Variants in RBFOX3 observed in about 807,000 individuals in gnomAD.
RBFOX3 encodes RNA binding protein fox-1 homolog 3.
RBFOX3 carries 17 observed loss-of-function variants against 48.7 expected under a neutral mutation model. The observed-to-expected ratio is 0.35, with a 90% CI of 0.24 to 0.52. The LOEUF (loss-of-function observed/expected upper bound fraction) is 0.52. RBFOX3 is among the 20% of genes least tolerant of loss of function. The pLI is 0.94. For missense variants in RBFOX3, 382 were observed against 497.5 expected (o/e 0.77, Z 2.21); for synonymous variants, 212 against 209.5 (o/e 1.01, Z -0.10).
intron 2 of RBFOX3, among the ~76,000 whole-genome samples, chr17:79,470,670 A>G (rs2076954347): frequency 6.8e-6 from 1 of 147,256 alleles, no homozygotes; most frequent in Non-Finnish European, 1.5e-5. Flanking sequence ...GCCTCCTCTC[A>G]AAGTATCCGT....
intron 2 of RBFOX3, among the ~76,000 whole-genome samples, chr17:79,422,928 T>C (rs1208337728): frequency 6.6e-6 from 1 of 152,132 alleles, no homozygotes; most frequent in Non-Finnish European, 1.5e-5. Flanking sequence ...CCTCTCTGTG[T>C]TTCTGTCTGT....
chr17:79,252,751 C>G lies in RBFOX3; in HGVS notation c.-73-16946G>C, dbSNP rs78838336. On this transcript the variant is annotated intron_variant, in intron 3 of 14. Coordinates refer to ENST00000693108, the MANE Select transcript of RBFOX3 (RefSeq NM_001350451.2). This position sits in a 1 kb window ranked among gnomAD's most constrained non-coding sequence, Gnocchi z 4.0. ...GGCTGTGTTGACCACTCCCAGCCAA[C>G]TGCCCCTCTCAATGCCCCTCTCCTT... 7.8e-3 allele frequency among the ~76,000 whole-genome samples: 1,183 copies of G among 152,330 alleles called. 14 individuals are homozygous for G. Among genetic ancestry groups the G allele is most frequent in the African/African-American group, 0.027 (1,135 of 41,580 alleles).
chr17:79,436,074 G>A lies in RBFOX3; in HGVS notation c.-175+46380C>T, dbSNP rs144124399. Reference sequence around the variant, plus strand: ...GAGCAGAGGGAGCCTCACTTCCCCAGGCCCATGTGTGGATTCTTCATGCTG... The same window carrying A: ...GAGCAGAGGGAGCCTCACTTCCCCAAGCCCATGTGTGGATTCTTCATGCTG... On this transcript the variant is annotated intron_variant, in intron 2 of 14. Transcript: ENST00000693108. 3.9e-5 allele frequency among the ~76,000 whole-genome samples: 6 copies of A among 152,322 alleles called. No individual in the cohort carries two copies. The East Asian group carries it at 1.2e-3, about 29-fold the overall frequency.
At chr17:79,465,828 G>C (rs1236585349) in intron 2 of RBFOX3, among the ~76,000 whole-genome samples, 2 of 152,196 alleles carry the variant, frequency 1.3e-5, no homozygotes, top group Non-Finnish European at 2.9e-5. Context: ...TCGCGGCCTG[G>C]GCAGTGCAGG....
At chr17:79,401,104 G>C (rs2062743852) in intron 2 of RBFOX3, among the ~76,000 whole-genome samples, 1 of 152,256 alleles carries the variant, frequency 6.6e-6, no homozygotes, top group Non-Finnish European at 1.5e-5. Flanking sequence ...AGAGCAGTCA[G>C]CCACGCTGGT....
At chr17:79,126,864 C>T (rs1181453359) in intron 4 of RBFOX3, among the ~76,000 whole-genome samples, 1 of 152,202 alleles carries the variant, frequency 6.6e-6, no homozygotes, top group South Asian at 2.1e-4. Flanking sequence ...ACAGCTCTGC[C>T]ACTCACTGAG....
intron 2 of RBFOX3, among the ~76,000 whole-genome samples, chr17:79,377,218 C>G (rs2059321952): frequency 6.7e-6 from 1 of 149,122 alleles, no homozygotes; most frequent in Non-Finnish European, 1.5e-5. Flanking sequence ...AAGATACACA[C>G]ACACTACACA....
At chr17:79,493,862 C>CTCG (rs1441460144) in intron 1 of RBFOX3, among the ~76,000 whole-genome samples, 2 of 152,196 alleles carry the variant, frequency 1.3e-5, no homozygotes, top group African/African-American at 2.4e-5. Flanking sequence ...AAGTCACACA[C>CTCG]CCGCCGCGGC....
At chr17:79,578,353 A>G (rs1050371450) in intron 1 of RBFOX3, among the ~76,000 whole-genome samples, 2 of 152,246 alleles carry the variant, frequency 1.3e-5, no homozygotes, top group Admixed American at 6.5e-5. Context: ...TCAGATACAG[A>G]GCAAAACCAA....
rs2073684621 is a variant in RBFOX3 at position 79,090,546 on chromosome 17, AAC to A, written c.*335_*336del. The stretch of plus-strand genomic sequence containing the variant: ...GCTGGGAAAGGAAGACTGGATGGAA[AAC>A]AGAGCCCCCCACGGGTCCCACAAGG... On this transcript the variant is annotated 3_prime_UTR_variant, in exon 15 of 15. Transcript: ENST00000693108. 3.0e-6 allele frequency: 1 copy of A among 333,956 alleles called. No individual in the cohort carries two copies. Among genetic ancestry groups the A allele is most frequent in the Admixed American group, 4.6e-5 (1 of 21,528 alleles). 20.7% of individuals were successfully genotyped at this position (333,956 alleles called of 1,614,324 possible).
intron 2 of RBFOX3, among the ~76,000 whole-genome samples, chr17:79,474,463 A>C (rs935982108): frequency 6.6e-6 from 1 of 152,170 alleles, no homozygotes; most frequent in Non-Finnish European, 1.5e-5. Context: ...GATGGTGACA[A>C]TCATTTATTG....
chr17:79,597,705 T>C (rs2145242052), intron 1 of RBFOX3, among the ~76,000 whole-genome samples: 1 of 152,246 alleles, frequency 6.6e-6, no homozygotes, highest in Non-Finnish European at 1.5e-5. Flanking sequence ...CCCCCATAGG[T>C]AGGGGTTGGC....
the RBFOX3 span, among the ~76,000 whole-genome samples, chr17:79,664,546 C>G: frequency 6.6e-6 from 1 of 152,134 alleles, no homozygotes; most frequent in Non-Finnish European, 1.5e-5. Context: ...TGGGGTTTCA[C>G]TATGTTGGCC....
At chr17:79,303,927 C>T (rs2075725814) in intron 3 of RBFOX3, among the ~76,000 whole-genome samples, 1 of 151,740 alleles carries the variant, frequency 6.6e-6, no homozygotes, top group Admixed American at 6.6e-5. Flanking sequence ...TGGGAAAGAC[C>T]TCCATGAGGG....
intron 2 of RBFOX3, among the ~76,000 whole-genome samples, chr17:79,437,042 C>A (rs1172940474): frequency 6.6e-6 from 1 of 152,158 alleles, no homozygotes; most frequent in Non-Finnish European, 1.5e-5. Flanking sequence ...TAATTTCAAT[C>A]AGCCTACAGG....
At chr17:79,323,264 T>C (rs951233411) in intron 2 of RBFOX3, among the ~76,000 whole-genome samples, 38 of 152,174 alleles carry the variant, frequency 2.5e-4, no homozygotes, top group African/African-American at 8.4e-4. Flanking sequence ...AAGAAAAACA[T>C]TGAGCTAGGG....
chr17:79,218,284 C>T (rs770318785), intron 4 of RBFOX3, among the ~76,000 whole-genome samples: 15 of 151,716 alleles, frequency 9.9e-5, no homozygotes, highest in Non-Finnish European at 2.1e-4. Flanking sequence ...GGGTGGGTGA[C>T]ATGGCTCAGG....
At chr17:79,607,415 G>A (rs1345864209) in intron 1 of RBFOX3, among the ~76,000 whole-genome samples, 1 of 152,164 alleles carries the variant, frequency 6.6e-6, no homozygotes, top group Non-Finnish European at 1.5e-5. Context: ...GGCTAGAGGA[G>A]GGAAGCCCCA....
At chr17:79,399,294 G>A (rs906110395) in intron 2 of RBFOX3, among the ~76,000 whole-genome samples, 11 of 152,142 alleles carry the variant, frequency 7.2e-5, no homozygotes, top group Non-Finnish European at 8.8e-5. Context: ...GGCTATCCCC[G>A]CTTCACAAAT....
Sources: allele counts gnomAD v4.1 joint callset (sites outside exome capture counted in the v4.1 genomes callset), GRCh38; gene constraint gnomAD v4.1.1; non-coding constraint Gnocchi (gnomAD v3.1); transcripts MANE v1.5; gene names NCBI Gene and HGNC (gene_info 2026-07-23, HGNC 2026-07-21).